Variants in EHMT2 observed in about 807,000 individuals in gnomAD.
EHMT2 encodes the protein euchromatic histone lysine methyltransferase 2, also known as histone-lysine N-methyltransferase EHMT2.
In EHMT2, 59 loss-of-function variants were observed where a neutral mutation model predicts 143.3. The ratio of observed to expected loss-of-function variants is 0.41; its 90% CI spans 0.33 to 0.51. The LOEUF (loss-of-function observed/expected upper bound fraction) is 0.51, where lower values mean the gene tolerates loss of function less well. Ranked by LOEUF, EHMT2 falls within the 20% of genes least tolerant of loss-of-function variation. The pLI is 0.18. For synonymous variants in EHMT2, 604 were observed against 651.5 expected (o/e 0.93, Z 1.11); for missense variants, 1,174 against 1,645.9 (o/e 0.71, Z 4.96).
Position 31,889,792 on chromosome 6 carries a change from G to A in EHMT2, c.865-190C>T, listed in dbSNP as rs1478599698. Among the ~76,000 whole-genome samples the A allele has an allele frequency of 6.6e-6, 1 of 152,144 alleles. No individual in the cohort carries two copies. The highest frequency in any genetic ancestry group is 1.5e-5 in the Non-Finnish European group (1 of 68,032). Reference sequence around the variant, plus strand: ...TGGAATATTACACAGCAGTGAAAAAGTTACAGACAGCAATGTGCACAGATC... The same window carrying A: ...TGGAATATTACACAGCAGTGAAAAAATTACAGACAGCAATGTGCACAGATC... On this transcript the variant is annotated intron_variant, in intron 7 of 27. Coordinates refer to ENST00000375537, the Ensembl canonical transcript of EHMT2. This position sits in a 1 kb window ranked among gnomAD's most constrained non-coding sequence, Gnocchi z 5.1.
rs1241421020 is a variant in EHMT2, at chr6:31,889,357, G to A, written c.1000-15C>T. 1 of 1,611,282 alleles carries A rather than the reference G, an allele frequency of 6.2e-7. No homozygotes were observed. Among genetic ancestry groups the A allele is most frequent in the South Asian group, 1.1e-5 (1 of 91,020 alleles). ...CTGGAACCACTCTGGGAAGGGGGAG[G>A]AGGAGGAGTTAGGAACCCTCACCCC... On this transcript the variant is annotated splice_polypyrimidine_tract_variant and intron_variant, in intron 8 of 27. Coordinates refer to ENST00000375537, the Ensembl canonical transcript of EHMT2. This position sits in a 1 kb window ranked among gnomAD's most constrained non-coding sequence, Gnocchi z 5.1.
chr6:31,893,924 C>T (rs1056154079), intron 4 of EHMT2, among the ~76,000 whole-genome samples: 1 of 152,092 alleles, frequency 6.6e-6, no homozygotes, highest in Non-Finnish European at 1.5e-5. Context: ...GATGATTGCA[C>T]ATGATGAAAG....
rs1052988711 is a variant in EHMT2, at chr6:31,887,434, T to A, written c.2011+143A>T. ...GTCACCACATCCCCATCGTTATGGG[T>A]TACATGTGTCTTTTCCCCACCACAC... On this transcript the variant is annotated intron_variant, in intron 15 of 27. Coordinates refer to ENST00000375537, the Ensembl canonical transcript of EHMT2. The A allele has an allele frequency of 3.2e-5, 23 of 725,654 alleles. No homozygotes were observed. The East Asian group carries it at 6.2e-4, about 20-fold the overall frequency. The allele number at this position is 725,654 out of a possible 1,614,324, so 45.0% of individuals were successfully genotyped here.
exon 5 of EHMT2, chr6:31,892,868 G>A (rs1325731379): frequency 4.4e-6 from 7 of 1,597,732 alleles, no homozygotes; most frequent in Non-Finnish European, 6.0e-6. Flanking sequence ...TCACTCATGC[G>A]GAAATGCTGT....
At position 31,888,092 on chromosome 6, in the gene EHMT2, G is replaced by C. The variant is rs1295874863; in HGVS notation, c.1694C>G (p.Pro565Arg). Residue 565 changes from proline (P) to arginine (R), a missense_variant, in exon 13 of 28, where the codon CCC becomes CGC. Pro to Arg is a moderately radical substitution (Grantham distance 103). This residue lies in a region of EHMT2 where 608 missense variants were observed against 903.7 expected (regional missense o/e 0.67). Transcript: ENST00000375537. This position sits in a 1 kb window ranked among gnomAD's most constrained non-coding sequence, Gnocchi z 7.4. The stretch of plus-strand genomic sequence containing the variant: ...GGGGACATCCTGGGACAGGGGTGGG[G>C]GTGCAGGAGCTGCAGTGCCGGCCGG... The C allele has an allele frequency of 5.0e-6, 8 of 1,609,178 alleles. No homozygotes were observed. The highest frequency in any genetic ancestry group is 5.1e-6 in the Non-Finnish European group (6 of 1,178,192).
chr6:31,883,281 G>T lies in EHMT2; in HGVS notation c.2994+81C>A. 7.1e-7 allele frequency: 1 copy of T among 1,415,034 alleles called. No homozygotes were observed. 87.7% of individuals were successfully genotyped at this position (1,415,034 alleles called of 1,614,324 possible). ...CACAGGGTAGGAGGTGAGGGACATG[G>T]TCCCAGGGAGCTGGTTTATTGGAGG... On this transcript the variant is annotated intron_variant, in intron 23 of 27. Coordinates refer to ENST00000375537, the Ensembl canonical transcript of EHMT2. This position sits in a 1 kb window ranked among gnomAD's most constrained non-coding sequence, Gnocchi z 5.6.
At chr6:31,897,542 G>C in intron 1 of EHMT2, 94 bp downstream of exon 1, 2 of 935,606 alleles carry the variant, frequency 2.1e-6, no homozygotes, top group Non-Finnish European at 2.6e-6. Context: ...CGGGCCCCCC[G>C]GCCCCGTTGC....
chr6:31,881,966 G>A lies in EHMT2; in HGVS notation c.3197+733C>T, dbSNP rs1764159336. Among the ~76,000 whole-genome samples, 1 of 152,060 alleles carries A rather than the reference G, an allele frequency of 6.6e-6. No homozygotes were observed. The highest frequency in any genetic ancestry group is 2.1e-4 in the South Asian group (1 of 4,822). On this transcript the variant is annotated intron_variant, in intron 25 of 27. Coordinates refer to ENST00000375537, the Ensembl canonical transcript of EHMT2. This position sits in a 1 kb window ranked among gnomAD's most constrained non-coding sequence, Gnocchi z 4.8. ...TAAAAATACAAAAAATTAGCCGGGT[G>A]TGGTGGTGCGCACCTGTAATCCCAG...
Position 31,883,578 on chromosome 6 carries a change from T to G in EHMT2, c.2917-139A>C. 9.9e-7 allele frequency: 1 copy of G among 1,012,840 alleles called. No individual in the cohort carries two copies. Among genetic ancestry groups the G allele is most frequent in the Non-Finnish European group, 1.5e-6 (1 of 671,068 alleles). The allele number at this position is 1,012,840 out of a possible 1,614,324, so 62.7% of individuals were successfully genotyped here. A position where few individuals can be genotyped will look rare whatever the true frequency, so the allele number is the denominator to read the frequency against. ...ACAGTGGGTGGTGATGGTCCTAGGG[T>G]GACGGGTAATCAGTATGGTGGTGTC... On this transcript the variant is annotated intron_variant, in intron 22 of 27. Coordinates refer to ENST00000375537, the Ensembl canonical transcript of EHMT2. This position sits in a 1 kb window ranked among gnomAD's most constrained non-coding sequence, Gnocchi z 5.6.
chr6:31,897,065 G>A (rs750031811), intron 1 of EHMT2, 76 bp from the exon 2 acceptor site: 5 of 1,500,252 alleles, frequency 3.3e-6, no homozygotes, highest in Non-Finnish European at 4.4e-6. Context: ...CCTGGGCCCT[G>A]GGAAGAGAGA....
chr6:31,881,131 G>C lies in EHMT2; in HGVS notation c.3198-39C>G. ...ATCCATGGTTCTGAAGGTGAGTGTG[G>C]GCTATTAGGAGGTGGCTCCAGGCCC... is the stretch of plus-strand genomic sequence containing the variant. On this transcript the variant is annotated intron_variant, in intron 25 of 27. Transcript: ENST00000375537. The surrounding 1 kb of genome is among the most constrained non-coding windows in gnomAD (Gnocchi z 4.8). The C allele has an allele frequency of 1.3e-6, 2 of 1,577,266 alleles. No homozygotes were observed. Among genetic ancestry groups the C allele is most frequent in the Non-Finnish European group, 1.7e-6 (2 of 1,147,888 alleles).
At chr6:31,882,527 G>A (rs535890677) in intron 25 of EHMT2, 172 bp downstream of exon 25, 10 of 683,060 alleles carry the variant, frequency 1.5e-5, no homozygotes, top group Non-Finnish European at 2.6e-5. Context: ...ATGGGGGTCA[G>A]AGGCGGCTGG....
chr6:31,885,219 T>C (rs909591051), intron 18 of EHMT2: 9 of 599,500 alleles, frequency 1.5e-5, no homozygotes, highest in African/African-American at 1.3e-4. Context: ...GGCTCATGCC[T>C]GTAATCCCAG....
Position 31,880,130 on chromosome 6 carries a change from G to T in EHMT2, c.3587C>A (p.Pro1196His), listed in dbSNP as rs768210207. 3 of 1,612,864 alleles carry T rather than the reference G, an allele frequency of 1.9e-6. No individual in the cohort carries two copies. In the East Asian group the frequency reaches 6.7e-5, roughly 36 times the overall value. Reference sequence around the variant, plus strand: ...GGAGCCGAGCTCGGGCAGCAGCTCAGGGTGTGGGTCCAGGCGGGCCAGACG... The same window carrying T: ...GGAGCCGAGCTCGGGCAGCAGCTCATGGTGTGGGTCCAGGCGGGCCAGACG... The change falls in exon 28 of 28, where the codon CCT becomes CAT. Residue 1196 changes from proline to histidine, a missense_variant. This residue lies in a region of EHMT2 where 42 missense variants were observed against 45.1 expected (regional missense o/e 0.93). Transcript: ENST00000375537. The surrounding 1 kb of genome is among the most constrained non-coding windows in gnomAD (Gnocchi z 6.6).
chr6:31,879,914 G>T, exon 28 of EHMT2: 1 of 768,182 alleles, frequency 1.3e-6, no homozygotes, highest in Non-Finnish European at 2.0e-6. Flanking sequence ...TGGGAGGGAG[G>T]GGCTGTCAGA....
chr6:31,879,965 A>G, exon 28 of EHMT2: 1 of 1,165,884 alleles, frequency 8.6e-7, no homozygotes, highest in Non-Finnish European at 1.2e-6. Context: ...GGAATGTGTG[A>G]AAGGGTGGTG....
rs763118108 is a variant in EHMT2, at chr6:31,884,965, C to T, written c.2395G>A (p.Glu799Lys). 5.6e-6 allele frequency: 9 copies of T among 1,611,262 alleles called. No individual in the cohort carries two copies. The highest frequency in any genetic ancestry group is 1.7e-5 in the Admixed American group (1 of 59,964). ...CGCGTCAGTAGCATGCGGATCACCTCGATGTGCTTGTGCTCTGCAGCCCAG... is the reference window on the plus strand; with the variant it reads ...CGCGTCAGTAGCATGCGGATCACCTTGATGTGCTTGTGCTCTGCAGCCCAG... Residue 799 changes from glutamate (E) to lysine (K), a missense_variant, in exon 19 of 28, where the codon GAG becomes AAG. Glu to Lys is a moderately conservative substitution (Grantham distance 56). This residue lies in a region of EHMT2 where 608 missense variants were observed against 903.7 expected (regional missense o/e 0.67). Transcript: ENST00000375537. The surrounding 1 kb of genome is among the most constrained non-coding windows in gnomAD (Gnocchi z 7.3).
Position 31,881,095 on chromosome 6 carries a change from G to A in EHMT2, c.3198-3C>T. 1.2e-6 allele frequency: 2 copies of A among 1,612,412 alleles called. No homozygotes were observed. Among genetic ancestry groups the A allele is most frequent in the Non-Finnish European group, 1.7e-6 (2 of 1,179,518 alleles). On this transcript the variant is annotated splice_polypyrimidine_tract_variant and splice_region_variant and intron_variant, in intron 25 of 27. Transcript: ENST00000375537. The surrounding 1 kb of genome is among the most constrained non-coding windows in gnomAD (Gnocchi z 4.8). ...CAGAGATCAGCTCCCCGACATACCT[G>A]TGGGACAGGAATCCATGGTTCTGAA... is the stretch of plus-strand genomic sequence containing the variant.
At chr6:31,896,937 C>A in exon 2 of EHMT2, 1 of 1,593,196 alleles carries the variant, frequency 6.3e-7, no homozygotes, top group Non-Finnish European at 8.5e-7. Context: ...CTCGGTGGCT[C>A]CTCTGGTTTC....
Sources: gnomAD v4.1 joint callset for allele counts (sites outside exome capture counted in the v4.1 genomes callset) on GRCh38, gnomAD v4.1.1 for gene constraint, gnomAD v4.1.1 regional missense constraint, Gnocchi (gnomAD v3.1) non-coding constraint, MANE v1.5 for transcripts, NCBI Gene and HGNC (gene_info 2026-07-23, HGNC 2026-07-21) for gene names.